The following SPMIP7 variants were observed in gnomAD, a reference collection of about 807,000 sequenced individuals.
The protein encoded by SPMIP7 is sperm microtubule inner protein 7, also known as protein SPMIP7.
chr7:50,112,099 G>A, the SPMIP7 span, among the ~76,000 whole-genome samples: 1 of 151,462 alleles, frequency 6.6e-6, no homozygotes, highest in South Asian at 2.1e-4. Context: ...AAATTATCTT[G>A]GAATAATAAT....
the SPMIP7 span, among the ~76,000 whole-genome samples, chr7:50,098,918 C>A: frequency 1.3e-5 from 2 of 152,090 alleles, no homozygotes; most frequent in African/African-American, 4.8e-5. Context: ...GCAAATATCA[C>A]CACCATCCAT....
At chr7:50,123,954 G>C in the SPMIP7 span, among the ~76,000 whole-genome samples, 1 of 152,092 alleles carries the variant, frequency 6.6e-6, no homozygotes, top group South Asian at 2.1e-4. Flanking sequence ...TGTCAGAATA[G>C]ATAATAAAGC....
chr7:50,156,448 C>CT, the SPMIP7 span, among the ~76,000 whole-genome samples: 11 of 152,136 alleles, frequency 7.2e-5, no homozygotes, highest in African/African-American at 2.4e-4. Context: ...ACTCTCACTG[C>CT]TTCTCTGCAA....
the SPMIP7 span, among the ~76,000 whole-genome samples, chr7:50,152,343 T>C: frequency 1.3e-5 from 2 of 149,682 alleles, no homozygotes; most frequent in African/African-American, 2.5e-5. Flanking sequence ...AGACTCCATC[T>C]AAAAAAAAAA....
At chr7:50,100,491 T>A in the SPMIP7 span, among the ~76,000 whole-genome samples, 2 of 152,162 alleles carry the variant, frequency 1.3e-5, no homozygotes, top group African/African-American at 4.8e-5. Flanking sequence ...CTTGCTAAGG[T>A]CATTCCCCAT....
At chr7:50,154,770 T>C in the SPMIP7 span, among the ~76,000 whole-genome samples, 4 of 152,236 alleles carry the variant, frequency 2.6e-5, no homozygotes, top group African/African-American at 9.6e-5. Context: ...TTAATTTCTT[T>C]AGGAAACTCC....
the SPMIP7 span, among the ~76,000 whole-genome samples, chr7:50,137,251 A>G: frequency 2.0e-5 from 3 of 152,182 alleles, no homozygotes; most frequent in Non-Finnish European, 4.4e-5. Flanking sequence ...AAGTAACTAT[A>G]TAATACAAAA....
At chr7:50,098,529 A>C in the SPMIP7 span, among the ~76,000 whole-genome samples, 2 of 152,194 alleles carry the variant, frequency 1.3e-5, no homozygotes, top group South Asian at 2.1e-4. Context: ...TTGCATGACA[A>C]AATACTAAAG....
At chr7:50,096,411 G>A in the SPMIP7 span, 13 of 1,551,708 alleles carry the variant, frequency 8.4e-6, no homozygotes, top group Middle Eastern at 2.2e-3. Context: ...TCCTGTTCAG[G>A]GTTTATGAGT....
chr7:50,154,403 C>G, the SPMIP7 span, among the ~76,000 whole-genome samples: 2 of 152,198 alleles, frequency 1.3e-5, no homozygotes, highest in East Asian at 3.8e-4. Flanking sequence ...CCTCACCCCC[C>G]ACCGAATCCC....
At chr7:50,125,329 CAT>C in the SPMIP7 span, among the ~76,000 whole-genome samples, 1 of 145,364 alleles carries the variant, frequency 6.9e-6, no homozygotes, top group East Asian at 2.0e-4. Context: ...CATATATACA[CAT>C]ATATATACAT....
the SPMIP7 span, among the ~76,000 whole-genome samples, chr7:50,127,103 C>A: frequency 6.6e-6 from 1 of 151,864 alleles, no homozygotes; most frequent in Admixed American, 6.6e-5. Context: ...TATAAATCCA[C>A]ACAATTACAA....
chr7:50,156,203 T>C, the SPMIP7 span, among the ~76,000 whole-genome samples: 15 of 152,330 alleles, frequency 9.8e-5, no homozygotes, highest in African/African-American at 3.4e-4. Flanking sequence ...CCTTCCAGGC[T>C]CTTCACATCA....
chr7:50,155,416 T>C, the SPMIP7 span, among the ~76,000 whole-genome samples: 1 of 152,224 alleles, frequency 6.6e-6, no homozygotes, highest in Non-Finnish European at 1.5e-5. Flanking sequence ...TCATTTAGAC[T>C]CACTGTCCAA....
chr7:50,106,421 G>A, the SPMIP7 span, among the ~76,000 whole-genome samples: 1 of 152,160 alleles, frequency 6.6e-6, no homozygotes, highest in Non-Finnish European at 1.5e-5. Flanking sequence ...ATAGTAAAAA[G>A]CACTTGAACA....
At chr7:50,104,816 G>C in the SPMIP7 span, among the ~76,000 whole-genome samples, 1 of 152,038 alleles carries the variant, frequency 6.6e-6, no homozygotes, top group South Asian at 2.1e-4. Flanking sequence ...TTAGAGCAAC[G>C]GATTAATGCT....
the SPMIP7 span, among the ~76,000 whole-genome samples, chr7:50,147,524 T>C: frequency 6.6e-6 from 1 of 152,230 alleles, no homozygotes; most frequent in African/African-American, 2.4e-5. Context: ...ATATAGAACA[T>C]ACTCAATGAC....
chr7:50,158,392 C>T, the SPMIP7 span, among the ~76,000 whole-genome samples: 1 of 150,054 alleles, frequency 6.7e-6, no homozygotes, highest in African/African-American at 2.5e-5. Context: ...ATGTCTTCTC[C>T]AGGTCTCTGG....
At chr7:50,130,269 G>A in the SPMIP7 span, among the ~76,000 whole-genome samples, 1 of 152,146 alleles carries the variant, frequency 6.6e-6, no homozygotes, top group Non-Finnish European at 1.5e-5. Context: ...ATAAAGGAAA[G>A]AGGTTTAATT....
Sources: gnomAD v4.1 joint callset for allele counts (sites outside exome capture counted in the v4.1 genomes callset) on GRCh38, gnomAD v4.1.1 for gene constraint, MANE v1.5 for transcripts, NCBI Gene and HGNC (gene_info 2026-07-23, HGNC 2026-07-21) for gene names.